NOX4: variants seen among roughly 807,000 people sequenced by gnomAD.
The protein encoded by NOX4 is kidney oxidase-1.
NOX4 carries 69 observed loss-of-function variants against 87.6 expected under a neutral mutation model. That is an observed-to-expected ratio of 0.79 (90% CI 0.65 to 0.96). The LOEUF (loss-of-function observed/expected upper bound fraction) is 0.96. Ranked by LOEUF, NOX4 falls within the 40% of genes least tolerant of loss-of-function variation. NOX4 has a pLI of 0.00. For synonymous variants in NOX4, 275 were observed against 238.2 expected, an observed-to-expected ratio of 1.15 and a Z score of -1.42; for missense variants, 680 against 681.5, an observed-to-expected ratio of 1.00 and a Z score of 0.02.
chr11:89,412,826 A>C (rs1331461128), intron 8 of NOX4, among the ~76,000 whole-genome samples: 1 of 152,122 alleles, frequency 6.6e-6, no homozygotes, highest in Admixed American at 6.6e-5. Context: ...AAAATAGACA[A>C]ATGGAATTAC....
At chr11:89,403,575 A>G (rs2135192592) in intron 8 of NOX4, among the ~76,000 whole-genome samples, 1 of 152,186 alleles carries the variant, frequency 6.6e-6, no homozygotes, top group African/African-American at 2.4e-5. Flanking sequence ...CCCCGTCTCT[A>G]CTAAAAAACA....
the NOX4 span, among the ~76,000 whole-genome samples, chr11:89,558,744 A>T: frequency 6.6e-6 from 1 of 152,084 alleles, no homozygotes; most frequent in African/African-American, 2.4e-5. Flanking sequence ...GCCATAGGCC[A>T]GTTTGCATTC....
chr11:89,545,192 G>T, the NOX4 span: 2 of 152,104 alleles, frequency 1.3e-5, no homozygotes. Context: ...TCAGCAAAAG[G>T]TCATCTTATC....
intron 2 of NOX4, among the ~76,000 whole-genome samples, chr11:89,456,627 C>T (rs1212159605): frequency 2.0e-5 from 3 of 152,230 alleles, no homozygotes; most frequent in East Asian, 1.9e-4. Flanking sequence ...GCAACTCCTG[C>T]GGAATGAGCT....
chr11:89,506,817 T>A, the NOX4 span, among the ~76,000 whole-genome samples: 1 of 151,832 alleles, frequency 6.6e-6, no homozygotes, highest in Admixed American at 6.6e-5. Flanking sequence ...TAGGCAAACA[T>A]AACTAAACAC....
chr11:89,505,173 T>A, the NOX4 span, among the ~76,000 whole-genome samples: 1 of 151,900 alleles, frequency 6.6e-6, no homozygotes, highest in African/African-American at 2.4e-5. Context: ...TATAAACTCT[T>A]AAATATCATT....
intron 7 of NOX4, among the ~76,000 whole-genome samples, chr11:89,428,015 G>T (rs1484481648): frequency 6.6e-6 from 1 of 152,214 alleles, no homozygotes; most frequent in African/African-American, 2.4e-5. Context: ...ACTAACAGCT[G>T]ATCTCTCAGC....
At chr11:89,383,397 T>G (rs1565220291) in intron 11 of NOX4, among the ~76,000 whole-genome samples, 1 of 152,216 alleles carries the variant, frequency 6.6e-6, no homozygotes, top group Non-Finnish European at 1.5e-5. Flanking sequence ...CCCCTGGAAC[T>G]CTGGCCCAAG....
the NOX4 span, among the ~76,000 whole-genome samples, chr11:89,568,749 G>A: frequency 6.6e-6 from 1 of 152,076 alleles, no homozygotes; most frequent in Non-Finnish European, 1.5e-5. Flanking sequence ...AAAGAACTAA[G>A]CCAGAGGCAT....
chr11:89,361,225 TA>T (rs1269588962), intron 12 of NOX4, among the ~76,000 whole-genome samples: 2 of 151,904 alleles, frequency 1.3e-5, no homozygotes, highest in African/African-American at 4.8e-5. Flanking sequence ...AACAAGTAGA[TA>T]AAGAAAATGT....
rs886613403 is a variant in NOX4 at position 89,324,970 on chromosome 11, C to G, written c.*1786G>C. 2 of 151,960 alleles carry G rather than the reference C, an allele frequency of 1.3e-5. No individual in the cohort carries two copies. The highest frequency in any genetic ancestry group is 1.3e-4 in the Admixed American group (2 of 15,248). 9.4% of individuals were successfully genotyped at this position (151,960 alleles called of 1,614,324 possible). A position where few individuals can be genotyped will look rare whatever the true frequency, so the allele number is the denominator to read the frequency against. On this transcript the variant is annotated 3_prime_UTR_variant, in exon 18 of 18. Coordinates refer to ENST00000263317, the MANE Select transcript of NOX4 (RefSeq NM_016931.5). Reference sequence around the variant, plus strand: ...ATTGGTGAATTATAGCAAAAAAAGGCCTTAGCATCTATCATGTTATGTTTT... The same window carrying G: ...ATTGGTGAATTATAGCAAAAAAAGGGCTTAGCATCTATCATGTTATGTTTT...
chr11:89,548,996 T>C, the NOX4 span, among the ~76,000 whole-genome samples: 1 of 152,202 alleles, frequency 6.6e-6, no homozygotes, highest in Non-Finnish European at 1.5e-5. Flanking sequence ...GTAAGCACCA[T>C]ATATAACAAA....
intron 2 of NOX4, among the ~76,000 whole-genome samples, chr11:89,486,756 G>T (rs1248609384): frequency 6.7e-6 from 1 of 149,618 alleles, no homozygotes; most frequent in Non-Finnish European, 1.5e-5. Context: ...TGTAAAGATG[G>T]GGTCTCACTT....
chr11:89,453,595 T>C (rs1282055698), intron 2 of NOX4, among the ~76,000 whole-genome samples: 1 of 152,204 alleles, frequency 6.6e-6, no homozygotes, highest in Non-Finnish European at 1.5e-5. Context: ...AGCACACCTA[T>C]CTCTTACTAT....
At chr11:89,514,048 A>G in the NOX4 span, among the ~76,000 whole-genome samples, 4 of 152,092 alleles carry the variant, frequency 2.6e-5, no homozygotes, top group Non-Finnish European at 4.4e-5. Context: ...TAAATTACCC[A>G]GTATATGATA....
chr11:89,540,787 A>T, the NOX4 span, among the ~76,000 whole-genome samples: 2 of 7,440 alleles, frequency 2.7e-4, no homozygotes, highest in African/African-American at 2.4e-3. Context: ...GACTCCGTCT[A>T]AAAAAAAAAA....
chr11:89,520,521 G>A, the NOX4 span, among the ~76,000 whole-genome samples: 1 of 152,026 alleles, frequency 6.6e-6, no homozygotes, highest in Non-Finnish European at 1.5e-5. Context: ...ACTTTTGAAT[G>A]TGGATCTTTA....
chr11:89,543,739 G>T, the NOX4 span, among the ~76,000 whole-genome samples: 1 of 152,214 alleles, frequency 6.6e-6, no homozygotes, highest in African/African-American at 2.4e-5. Context: ...GACAGATAGT[G>T]TAAGTCAACT....
intron 11 of NOX4, among the ~76,000 whole-genome samples, chr11:89,398,118 G>C (rs557948233): frequency 6.6e-6 from 1 of 151,552 alleles, no homozygotes; most frequent in African/African-American, 2.4e-5. Flanking sequence ...CTTATCCACC[G>C]AGATCAAGTT....
Sources: gnomAD v4.1 joint callset for allele counts (sites outside exome capture counted in the v4.1 genomes callset) on GRCh38, gnomAD v4.1.1 for gene constraint, MANE v1.5 for transcripts, NCBI Gene and HGNC (gene_info 2026-07-23, HGNC 2026-07-21) for gene names.